PNLIP: variants seen among roughly 807,000 people sequenced by gnomAD.
PNLIP encodes pancreatic lipase, also known as pancreatic triacylglycerol lipase.
Under a neutral mutation model 57.1 loss-of-function variants are expected in PNLIP, and 49 were observed. That is an observed-to-expected ratio of 0.86 (90% CI 0.68 to 1.09). PNLIP has a LOEUF of 1.09. PNLIP is among the 50% of genes least tolerant of loss of function. The probability of loss-of-function intolerance (pLI) is 0.00; values close to 1 mark genes in which losing one functional copy is unlikely to be tolerated. For synonymous variants in PNLIP, 209 were observed against 200.4 expected (o/e 1.04, Z -0.36); for missense variants, 503 against 570.2 (o/e 0.88, Z 1.20).
At chr10:116,553,435 T>A (rs1847215985) in intron 5 of PNLIP, among the ~76,000 whole-genome samples, 1 of 152,208 alleles carries the variant, frequency 6.6e-6, no homozygotes, top group Non-Finnish European at 1.5e-5. Flanking sequence ...TTTTGCTGTA[T>A]GTTTTTAGGT....
At chr10:116,547,831 A>T (rs940591522) in intron 3 of PNLIP, among the ~76,000 whole-genome samples, 10 of 151,916 alleles carry the variant, frequency 6.6e-5, no homozygotes, top group African/African-American at 2.4e-4. Flanking sequence ...CAGCCGTGAA[A>T]TTTGCATCTT....
intron 1 of PNLIP, 23 bp downstream of exon 1, chr10:116,545,981 A>T: frequency 1.1e-6 from 1 of 887,814 alleles, no homozygotes; most frequent in Non-Finnish European, 1.9e-6. Flanking sequence ...CATGTTTTCC[A>T]GGCCTAATTG....
intron 4 of PNLIP, among the ~76,000 whole-genome samples, chr10:116,549,658 A>G (rs1847169302): frequency 6.6e-6 from 1 of 152,204 alleles, no homozygotes; most frequent in African/African-American, 2.4e-5. Context: ...GTAAAACCAC[A>G]ACTTGTCCTC....
At chr10:116,563,974 GA>G (rs1303618463) in intron 12 of PNLIP, among the ~76,000 whole-genome samples, 8 of 152,084 alleles carry the variant, frequency 5.3e-5, no homozygotes, top group Non-Finnish European at 1.0e-4. Context: ...TTAGGTCTTT[GA>G]AGACCCTAAC....
At chr10:116,560,305 A>ACG in intron 10 of PNLIP, 111 bp from the exon 11 acceptor site, 1 of 614,006 alleles carries the variant, frequency 1.6e-6, no homozygotes, top group Non-Finnish European at 2.9e-6. Context: ...ACACACACAC[A>ACG]CACAATTATA....
At chr10:116,557,990 C>T (rs1236279387) in intron 9 of PNLIP, among the ~76,000 whole-genome samples, 2 of 151,438 alleles carry the variant, frequency 1.3e-5, no homozygotes, top group African/African-American at 2.4e-5. Context: ...CGCGGTGGCT[C>T]ATGCCTGTAA....
Position 116,553,856 on chromosome 10 carries a change from A to G in PNLIP, c.571+18A>G. 2 of 1,488,532 alleles carry G rather than the reference A, an allele frequency of 1.3e-6. No homozygotes were observed. The highest frequency in any genetic ancestry group is 1.9e-6 in the Non-Finnish European group (2 of 1,070,160). 92.2% of individuals were successfully genotyped at this position (1,488,532 alleles called of 1,614,324 possible). Reference sequence around the variant, plus strand: ...CATCACAGGTTGGTGAAAACAGTGAAAGATACCAGGGGGGTTGAGGCAAGA... The same window carrying G: ...CATCACAGGTTGGTGAAAACAGTGAGAGATACCAGGGGGGTTGAGGCAAGA... On this transcript the variant is annotated intron_variant, in intron 6 of 12. Transcript: ENST00000369221.
Position 116,559,223 on chromosome 10 carries a change from A to T in PNLIP, c.1000A>T (p.Lys334Ter). Reference protein sequence around the residue: ...MGHYADRYPGKTNDVGQKFYL... With the variant: ...MGHYADRYPG The stretch of plus-strand genomic sequence containing the variant: ...TCACTATGCTGATAGATATCCTGGG[A>T]AAACAAATGATGTGGGCCAGAAATT... Residue 334 changes from lysine (K) to a stop codon, truncating the protein, a stop_gained, in exon 10 of 13, where the codon AAA becomes TAA. Coordinates refer to ENST00000369221, the MANE Select transcript of PNLIP (RefSeq NM_000936.4). LOFTEE classifies it high-confidence loss of function. 1.2e-6 allele frequency: 2 copies of T among 1,614,096 alleles called. No homozygotes were observed. The highest frequency in any genetic ancestry group is 1.7e-6 in the Non-Finnish European group (2 of 1,179,940).
chr10:116,556,024 A>T lies in PNLIP; in HGVS notation c.836A>T (p.Asn279Ile). ...GGGACTCGAGACTTTGCGGCCTGTA[A>T]TCACTTAAGAAGCTACAAATATTAC... ...WEGTRDFAACNHLRSYKYYTD... is the reference protein window; with the variant it reads ...WEGTRDFAACIHLRSYKYYTD... Residue 279 changes from asparagine (N) to isoleucine (I), a missense_variant, in exon 9 of 13, where the codon AAT (asparagine) becomes ATT (isoleucine). Asn to Ile is a moderately radical substitution (Grantham distance 149). Transcript: ENST00000369221. 1 of 1,613,110 alleles carries T rather than the reference A, an allele frequency of 6.2e-7. No homozygotes were observed. Among genetic ancestry groups the T allele is most frequent in the Non-Finnish European group, 8.5e-7 (1 of 1,179,110 alleles).
rs896401597 is a variant in PNLIP, at chr10:116,567,729, C to T, written c.1335-6C>T. ...GAGGTGACTTTGTGTTGTTTTTTCT[C>T]CACAGGTTCAACTTCTGTAGTCCAG... On this transcript the variant is annotated splice_polypyrimidine_tract_variant and splice_region_variant and intron_variant, in intron 12 of 12. Transcript: ENST00000369221. 1 of 1,613,024 alleles carries T rather than the reference C, an allele frequency of 6.2e-7. No individual in the cohort carries two copies. Among genetic ancestry groups the T allele is most frequent in the African/African-American group, 1.3e-5 (1 of 74,920 alleles).
At chr10:116,558,920 C>T (rs1483175687) in intron 9 of PNLIP, among the ~76,000 whole-genome samples, 4 of 152,134 alleles carry the variant, frequency 2.6e-5, no homozygotes, top group Non-Finnish European at 4.4e-5. Context: ...CCACCACGCC[C>T]GGCTCGTTGT....
chr10:116,546,056 C>G (rs1182872811), intron 1 of PNLIP, 37 bp from the exon 2 acceptor site: 4 of 1,603,984 alleles, frequency 2.5e-6, no homozygotes, highest in Admixed American at 3.3e-5. Flanking sequence ...CTTTTAAAAA[C>G]TTAGCCAGAC....
rs529037988 is a variant in PNLIP at position 116,550,910 on chromosome 10, T to G, written c.325-188T>G. On this transcript the variant is annotated intron_variant, in intron 4 of 12. Transcript: ENST00000369221. ...TTCCCACTATGGTCAAATTCCAGTT[T>G]GGAGATGATTTTAAACTTTAGCAGA... Among the ~76,000 whole-genome samples the G allele has an allele frequency of 3.3e-5, 5 of 152,280 alleles. No individual in the cohort carries two copies. The South Asian group carries it at 1.0e-3, about 32-fold the overall frequency.
At chr10:116,552,876 AC>A (rs1464729172) in intron 5 of PNLIP, among the ~76,000 whole-genome samples, 4 of 152,256 alleles carry the variant, frequency 2.6e-5, no homozygotes, top group African/African-American at 9.6e-5. Context: ...ACAGAGTGAG[AC>A]TCCATCTCAA....
chr10:116,566,213 G>T (rs1474919142), intron 12 of PNLIP, among the ~76,000 whole-genome samples: 3 of 152,204 alleles, frequency 2.0e-5, no homozygotes, highest in African/African-American at 7.2e-5. Flanking sequence ...CCATACAATG[G>T]AATATTACTC....
At chr10:116,558,586 T>TACACACACAC (rs200473025) in intron 9 of PNLIP, among the ~76,000 whole-genome samples, 1 of 147,646 alleles carries the variant, frequency 6.8e-6, no homozygotes, top group African/African-American at 2.5e-5. Flanking sequence ...AGAAGATAGA[T>TACACACACAC]ACACACACAC....
At chr10:116,548,892 C>T (rs1005690397) in intron 4 of PNLIP, among the ~76,000 whole-genome samples, 2 of 152,186 alleles carry the variant, frequency 1.3e-5, no homozygotes, top group African/African-American at 2.4e-5. Flanking sequence ...TTGCTACTCT[C>T]GGATCTCCTC....
chr10:116,553,752 A>G lies in PNLIP; in HGVS notation c.485A>G (p.Asn162Ser). ...TCGGCGTTCGGTTACTCACCTTCCA[A>G]TGTGCATGTCATTGGCCACAGCCTG... The part of the protein sequence containing the change: ...LQSAFGYSPS[N>S]VHVIGHSLGA... The change falls in exon 6 of 13, where the codon AAT becomes AGT. Residue 162 changes from asparagine to serine, a missense_variant. Physicochemically the swap from Asn to Ser is conservative, Grantham distance 46 (BLOSUM62 1). Transcript: ENST00000369221. The G allele has an allele frequency of 6.2e-6, 10 of 1,612,966 alleles. No homozygotes were observed. The highest frequency in any genetic ancestry group is 7.6e-6 in the Non-Finnish European group (9 of 1,179,162).
intron 2 of PNLIP, among the ~76,000 whole-genome samples, chr10:116,546,968 G>A (rs1564723059): frequency 1.3e-5 from 2 of 152,176 alleles, no homozygotes; most frequent in African/African-American, 4.8e-5. Context: ...AAGGCTTAGG[G>A]ACACAGGGCT....
Sources: allele counts gnomAD v4.1 joint callset (sites outside exome capture counted in the v4.1 genomes callset), GRCh38; gene constraint gnomAD v4.1.1; transcripts MANE v1.5; gene names NCBI Gene and HGNC (gene_info 2026-07-23, HGNC 2026-07-21).